The following KAZN variants were observed in gnomAD, a reference collection of about 807,000 sequenced individuals.
KAZN encodes kazrin.
Under a neutral mutation model 87.4 loss-of-function variants are expected in KAZN, and 40 were observed. The ratio of observed to expected loss-of-function variants is 0.46; its 90% CI spans 0.36 to 0.60. The LOEUF is 0.60. Ranked by LOEUF, KAZN falls within the 20% of genes least tolerant of loss-of-function variation. The pLI is 0.00. For synonymous variants in KAZN, 466 were observed against 458.3 expected (o/e 1.02, Z -0.22); for missense variants, 898 against 1,073.9 (o/e 0.84, Z 2.29).
chr1:14,381,085 G>A (rs1273230359), intron 2 of KAZN, among the ~76,000 whole-genome samples: 1 of 152,184 alleles, frequency 6.6e-6, no homozygotes, highest in Non-Finnish European at 1.5e-5. Context: ...GAGCTATGGA[G>A]AGTATTGCCA....
At chr1:14,028,588 T>TA (rs1182843630) in intron 1 of KAZN, among the ~76,000 whole-genome samples, 3 of 152,222 alleles carry the variant, frequency 2.0e-5, no homozygotes, top group East Asian at 3.8e-4. Context: ...TTATCTTTTT[T>TA]AAAAAATTCA....
chr1:14,191,525 A>G (rs539337903), intron 2 of KAZN, among the ~76,000 whole-genome samples: 1 of 152,190 alleles, frequency 6.6e-6, no homozygotes, highest in African/African-American at 2.4e-5. Flanking sequence ...TGTCTAAGAG[A>G]CAGTCTTTTA....
At chr1:14,782,249 T>C (rs1236716497) in intron 1 of KAZN, among the ~76,000 whole-genome samples, 3 of 152,136 alleles carry the variant, frequency 2.0e-5, no homozygotes, top group Non-Finnish European at 2.9e-5. Flanking sequence ...TAGCTCCTCA[T>C]TGAAATGCAC....
intron 1 of KAZN, among the ~76,000 whole-genome samples, chr1:14,854,586 C>A (rs964569953): frequency 1.3e-5 from 2 of 152,052 alleles, no homozygotes; most frequent in African/African-American, 2.4e-5. Flanking sequence ...CCCACTCTTG[C>A]GGGAGCTAAT....
At chr1:14,901,808 T>C (rs1655958523) in intron 1 of KAZN, among the ~76,000 whole-genome samples, 1 of 152,176 alleles carries the variant, frequency 6.6e-6, no homozygotes, top group African/African-American at 2.4e-5. Context: ...GCTGCCTCTC[T>C]CTGGGGCGGC....
At chr1:14,945,875 C>T (rs1005102184) in intron 1 of KAZN, 31 of 985,306 alleles carry the variant, frequency 3.1e-5, no homozygotes, top group Non-Finnish European at 3.7e-5. Flanking sequence ...AAGACTTGCT[C>T]TCCTTTCCTG....
intron 1 of KAZN, among the ~76,000 whole-genome samples, chr1:14,051,763 C>T (rs896088311): frequency 6.6e-6 from 1 of 152,048 alleles, no homozygotes. Context: ...TGGCTTGAAC[C>T]CGGGAGGCGG....
chr1:14,219,797 C>T (rs1030235083), intron 2 of KAZN, among the ~76,000 whole-genome samples: 2 of 152,276 alleles, frequency 1.3e-5, no homozygotes, highest in African/African-American at 4.8e-5. Flanking sequence ...AATATGTGCT[C>T]TTACTTTAAA....
intron 1 of KAZN, among the ~76,000 whole-genome samples, chr1:14,653,161 T>C (rs778886841): frequency 4.7e-4 from 72 of 152,302 alleles, no homozygotes; most frequent in Non-Finnish European, 8.7e-4. Context: ...CAGAAACAAG[T>C]CCATTCATGG....
At chr1:13,929,839 G>T (rs1021194865) in intron 1 of KAZN, among the ~76,000 whole-genome samples, 1 of 152,176 alleles carries the variant, frequency 6.6e-6, no homozygotes, top group Non-Finnish European at 1.5e-5. Flanking sequence ...AATGCTTTGC[G>T]TGGGCCATTT....
intron 1 of KAZN, among the ~76,000 whole-genome samples, chr1:13,958,091 A>G (rs1641612675): frequency 6.6e-6 from 1 of 152,212 alleles, no homozygotes; most frequent in African/African-American, 2.4e-5. Flanking sequence ...AGCATTTACC[A>G]TGTGCTGGGC....
chr1:14,125,053 C>T (rs1391119643), intron 1 of KAZN, among the ~76,000 whole-genome samples: 4 of 152,104 alleles, frequency 2.6e-5, no homozygotes, highest in South Asian at 2.1e-4. Context: ...GGATCATCCA[C>T]GGGCATGTCT....
Position 15,093,058 on chromosome 1 carries a change from A to G in KAZN, c.1223-1122A>G, listed in dbSNP as rs115586079. ...AGACGACTGCCGCTGTGTTGTTTAC[A>G]ATAGTGAAAAATTGGAAACAACCGC... On this transcript the variant is annotated intron_variant, in intron 8 of 14. Coordinates refer to ENST00000376030, the MANE Select transcript of KAZN (RefSeq NM_201628.3). 6.3e-3 allele frequency among the ~76,000 whole-genome samples: 958 copies of G among 152,206 alleles called. 13 individuals carry two copies. The highest frequency in any genetic ancestry group is 0.022 in the African/African-American group (897 of 41,534).
At chr1:14,027,190 C>G (rs1641115197) in intron 1 of KAZN, among the ~76,000 whole-genome samples, 1 of 152,192 alleles carries the variant, frequency 6.6e-6, no homozygotes, top group African/African-American at 2.4e-5. Flanking sequence ...ACAGCCTCCT[C>G]TGAATCCCAT....
chr1:14,394,143 C>A (rs1442012320), intron 2 of KAZN, among the ~76,000 whole-genome samples: 3 of 152,214 alleles, frequency 2.0e-5, no homozygotes, highest in Non-Finnish European at 4.4e-5. Context: ...GCCAGCAGTA[C>A]AAAGGTGGGC....
chr1:14,244,743 G>T (rs895872755), intron 2 of KAZN, among the ~76,000 whole-genome samples: 1 of 152,068 alleles, frequency 6.6e-6, no homozygotes, highest in Non-Finnish European at 1.5e-5. Context: ...GTGGGGTGAG[G>T]AGGTGAGAAT....
Position 14,599,041 on chromosome 1 carries a change from C to T in KAZN, c.44C>T (p.Ala15Val). The change falls in exon 1 of 15, where the codon GCG becomes GTG. Residue 15 changes from alanine (A) to valine (V), a missense_variant. Transcript: ENST00000376030. The surrounding 1 kb of genome is among the most constrained non-coding windows in gnomAD (Gnocchi z 4.4). The stretch of plus-strand genomic sequence containing the variant: ...CAGCTCGCGCTCCGCATCGATGGGG[C>T]GGTCCAGTCGGCCAGCCAGGAGGTG... ...NKQLALRIDG[A>V]VQSASQEVTN... The T allele has an allele frequency of 6.4e-7, 1 of 1,568,136 alleles. No individual in the cohort carries two copies. The highest frequency in any genetic ancestry group is 1.9e-5 in the Admixed American group (1 of 52,618).
At chr1:14,009,337 C>G (rs1640180720) in intron 1 of KAZN, among the ~76,000 whole-genome samples, 1 of 152,108 alleles carries the variant, frequency 6.6e-6, no homozygotes, top group Non-Finnish European at 1.5e-5. Context: ...GGTAGAATTG[C>G]TAGGTCATAT....
chr1:14,305,036 T>A (rs1047525683), intron 2 of KAZN, among the ~76,000 whole-genome samples: 6 of 152,126 alleles, frequency 3.9e-5, no homozygotes, highest in African/African-American at 1.4e-4. Context: ...ACAACTTGTC[T>A]CCTCTGCTTT....
Sources: allele counts gnomAD v4.1 joint callset (sites outside exome capture counted in the v4.1 genomes callset), GRCh38; gene constraint gnomAD v4.1.1; non-coding constraint Gnocchi (gnomAD v3.1); transcripts MANE v1.5; gene names NCBI Gene and HGNC (gene_info 2026-07-23, HGNC 2026-07-21).